The following TACC2 variants were observed in gnomAD, a reference collection of about 807,000 sequenced individuals.
The protein encoded by TACC2 is transforming acidic coiled-coil-containing protein 2.
A neutral mutation model predicts 227.3 loss-of-function variants in TACC2; 137 were observed. That is an observed-to-expected ratio of 0.60 (90% confidence interval 0.52 to 0.69). The LOEUF (loss-of-function observed/expected upper bound fraction) is 0.69. TACC2 is among the 30% of genes least tolerant of loss of function. The pLI is 0.00. For synonymous variants in TACC2, 1,523 were observed against 1,487.5 expected (o/e 1.02, Z -0.55); for missense variants, 3,470 against 3,694.4 (o/e 0.94, Z 1.57).
At chr10:122,234,665 C>A (rs2095823232) in intron 16 of TACC2, among the ~76,000 whole-genome samples, 7 of 152,306 alleles carry the variant, frequency 4.6e-5, no homozygotes, top group Admixed American at 4.6e-4. Flanking sequence ...ATGAAGGGGT[C>A]AGTGAACAGT....
chr10:122,179,380 T>C (rs1565522226), intron 7 of TACC2, among the ~76,000 whole-genome samples: 1 of 152,218 alleles, frequency 6.6e-6, no homozygotes, highest in South Asian at 2.1e-4. Context: ...ATATAAAGGA[T>C]TCAGAATCTC....
rs766468837 is a variant in TACC2, at chr10:122,086,381, T to A, written c.3881T>A (p.Leu1294Gln). ...LKLFAGSLAP[L>Q]LQPGAAGGEI... ...CTGTTTGCTGGCTCCCTCGCCCCCC[T>A]GTTGCAACCAGGAGCTGCAGGTGGG... Residue 1294 changes from leucine to glutamine, a missense_variant, in exon 4 of 23, where the codon CTG becomes CAG. Transcript: ENST00000369005. 44 of 1,613,512 alleles carry A rather than the reference T, an allele frequency of 2.7e-5. No individual in the cohort carries two copies. Among genetic ancestry groups the A allele is most frequent in the Non-Finnish European group, 3.6e-5 (43 of 1,180,016 alleles).
intron 5 of TACC2, among the ~76,000 whole-genome samples, chr10:122,131,753 G>A (rs1364690544): frequency 6.6e-6 from 1 of 152,140 alleles, no homozygotes; most frequent in Non-Finnish European, 1.5e-5. Context: ...CAGGCGTGGT[G>A]GCTCATGCCT....
At position 122,216,510 on chromosome 10, in the gene TACC2, A is replaced by G. The variant is rs1339580794; in HGVS notation, c.7345-117A>G. 16 of 918,762 alleles carry G rather than the reference A, an allele frequency of 1.7e-5. No homozygotes were observed. The South Asian group carries it at 2.2e-4, about 12-fold the overall frequency. 56.9% of individuals were successfully genotyped at this position (918,762 alleles called of 1,614,324 possible). A position where few individuals can be genotyped will look rare whatever the true frequency, so the allele number is the denominator to read the frequency against. ...ATTTGGAGCAGAGTCTGAGAAGAGC[A>G]TGCAGAGGATTGTGACCGGGACCTG... is the stretch of plus-strand genomic sequence containing the variant. On this transcript the variant is annotated intron_variant, in intron 10 of 22. Transcript: ENST00000369005.
intron 8 of TACC2, among the ~76,000 whole-genome samples, chr10:122,204,102 G>A (rs1412063663): frequency 2.0e-5 from 3 of 148,782 alleles, no homozygotes; most frequent in Non-Finnish European, 3.0e-5. Flanking sequence ...AGCCGAGGTG[G>A]CAGCAGTACA....
intron 5 of TACC2, among the ~76,000 whole-genome samples, chr10:122,109,863 C>T (rs1471188694): frequency 6.6e-6 from 1 of 152,148 alleles, no homozygotes; most frequent in African/African-American, 2.4e-5. Flanking sequence ...CCGCCTTTGA[C>T]CCTGGGTAAG....
At chr10:121,995,478 G>A (rs149458122) in intron 1 of TACC2, among the ~76,000 whole-genome samples, 75 of 152,304 alleles carry the variant, frequency 4.9e-4, no homozygotes, top group Middle Eastern at 6.8e-3. Flanking sequence ...TGTAATATCT[G>A]CGTATGTGTG....
intron 7 of TACC2, among the ~76,000 whole-genome samples, chr10:122,191,578 C>T (rs2094412005): frequency 6.6e-6 from 1 of 152,158 alleles, no homozygotes; most frequent in African/African-American, 2.4e-5. Flanking sequence ...TTATGTTGGG[C>T]CGCATTCAAA....
At chr10:122,119,055 T>C (rs1039909767) in intron 5 of TACC2, among the ~76,000 whole-genome samples, 1 of 152,238 alleles carries the variant, frequency 6.6e-6, no homozygotes, top group African/African-American at 2.4e-5. Flanking sequence ...AGTATATTCA[T>C]ATTATTGTGA....
At chr10:122,237,613 A>T in intron 17 of TACC2, 75 bp downstream of exon 17, 1 of 1,529,260 alleles carries the variant, frequency 6.5e-7, no homozygotes, top group Non-Finnish European at 8.8e-7. Flanking sequence ...ACAAAGCCAG[A>T]GTCTTTGGAG....
rs369555368 is a variant in TACC2 at position 122,103,090 on chromosome 10, GA to G, written c.5573+14508del. On this transcript the variant is annotated intron_variant, in intron 5 of 22. Coordinates refer to ENST00000369005, the MANE Select transcript of TACC2 (RefSeq NM_206862.4). ...AAAGCACTATTCCTTCTAGGAAAAA[GA>G]AAAAAAAAGAAAGAAAGAAGGAAAG... Among the ~76,000 whole-genome samples, 1,320 of 150,182 alleles carry G rather than the reference GA, an allele frequency of 8.8e-3. 18 individuals are homozygous for G. The highest frequency in any genetic ancestry group is 0.031 in the African/African-American group (1,255 of 40,940).
At position 122,059,304 on chromosome 10, in the gene TACC2, C is replaced by T. The variant is rs1336616710; in HGVS notation, c.146+8754C>T. Among the ~76,000 whole-genome samples the T allele has an allele frequency of 2.0e-5, 3 of 152,090 alleles. No individual in the cohort carries two copies. The East Asian group carries it at 5.8e-4, about 29-fold the overall frequency. On this transcript the variant is annotated intron_variant, in intron 3 of 22. Transcript: ENST00000369005. The stretch of plus-strand genomic sequence containing the variant: ...TGAGCTATTGCCAGGACCAGTTTAT[C>T]AGAATTGACTGGGATATCAGTTAAA...
chr10:122,216,888 G>T (rs776853407), intron 11 of TACC2, 60 bp downstream of exon 11: 23 of 1,613,332 alleles, frequency 1.4e-5, no homozygotes, highest in Non-Finnish European at 1.5e-5. Flanking sequence ...TGCCCCTAGG[G>T]AGCCAAAGGC....
chr10:122,153,254 T>G (rs2092231932), intron 7 of TACC2, among the ~76,000 whole-genome samples: 2 of 152,222 alleles, frequency 1.3e-5, no homozygotes, highest in Admixed American at 1.3e-4. Flanking sequence ...CCTCCCAAAG[T>G]GCTGGGATTA....
intron 2 of TACC2, among the ~76,000 whole-genome samples, chr10:122,049,296 T>C (rs2075405745): frequency 6.7e-6 from 1 of 149,272 alleles, no homozygotes; most frequent in Non-Finnish European, 1.5e-5. Flanking sequence ...GCCTGCGAGC[T>C]CTGCCATCTC....
intron 7 of TACC2, among the ~76,000 whole-genome samples, chr10:122,146,973 A>C (rs1400332409): frequency 6.6e-6 from 1 of 152,076 alleles, no homozygotes; most frequent in African/African-American, 2.4e-5. Context: ...AATTTGTCTG[A>C]TGCTTTTCTC....
chr10:122,245,740 G>A (rs1166131377), intron 19 of TACC2, among the ~76,000 whole-genome samples: 3 of 152,006 alleles, frequency 2.0e-5, no homozygotes, highest in Non-Finnish European at 4.4e-5. Flanking sequence ...CTTAATAATG[G>A]GTTACCAATA....
chr10:122,115,648 C>G (rs2084559561), intron 5 of TACC2, among the ~76,000 whole-genome samples: 1 of 152,182 alleles, frequency 6.6e-6, no homozygotes, highest in Admixed American at 6.5e-5. Flanking sequence ...AAGAAAGGGT[C>G]TCTGGGCTTG....
In TACC2 at chr10:122,195,710, G is replaced by A. The variant is rs867405090; in HGVS notation, c.5971+534G>A. Among the ~76,000 whole-genome samples, 24 of 152,072 alleles carry A rather than the reference G, an allele frequency of 1.6e-4. 1 individual carries two copies. Among genetic ancestry groups the A allele is most frequent in the Non-Finnish European group, 1.8e-4 (12 of 68,028 alleles). On this transcript the variant is annotated intron_variant, in intron 8 of 22. Coordinates refer to ENST00000369005, the MANE Select transcript of TACC2 (RefSeq NM_206862.4). ...AAACACCTTTATGTTCCTTTTAGACGGGTGGTTAGTGGACAGGTGGAATAG... is the reference window on the plus strand; with the variant it reads ...AAACACCTTTATGTTCCTTTTAGACAGGTGGTTAGTGGACAGGTGGAATAG...
Sources: allele counts gnomAD v4.1 joint callset (sites outside exome capture counted in the v4.1 genomes callset), GRCh38; gene constraint gnomAD v4.1.1; transcripts MANE v1.5; gene names NCBI Gene and HGNC (gene_info 2026-07-23, HGNC 2026-07-21).